The following IQCH variants were observed in gnomAD, a reference collection of about 807,000 sequenced individuals.
IQCH encodes IQ domain-containing protein H.
In IQCH, 98 loss-of-function variants were observed where a neutral mutation model predicts 117.0. That is an observed-to-expected ratio of 0.84 (90% CI 0.71 to 0.99). The LOEUF is 0.99. Ranked by LOEUF, IQCH falls within the 50% of genes least tolerant of loss-of-function variation. The pLI is 0.00. For missense variants in IQCH, 1,102 were observed against 1,243.8 expected (o/e 0.89, Z 1.72); for synonymous variants, 412 against 448.2 (o/e 0.92, Z 1.02).
At chr15:67,482,957 A>G (rs1278908251) in intron 18 of IQCH, among the ~76,000 whole-genome samples, 1 of 152,310 alleles carries the variant, frequency 6.6e-6, no homozygotes, top group Admixed American at 6.5e-5. Context: ...TCTCACATAT[A>G]AAATAAAATA....
chr15:67,304,603 G>T, intron 4 of IQCH: 1 of 450,264 alleles, frequency 2.2e-6, no homozygotes, highest in Non-Finnish European at 3.9e-6. Flanking sequence ...CTCTCATTCT[G>T]TTTATAATTA....
chr15:67,486,003 C>T (rs889740975), intron 18 of IQCH, among the ~76,000 whole-genome samples: 1 of 147,566 alleles, frequency 6.8e-6, no homozygotes, highest in Non-Finnish European at 1.5e-5. Context: ...ATTACTTTAC[C>T]TTCAAATGAG....
In IQCH at chr15:67,430,768, C is replaced by G. The variant is rs1048886277; in HGVS notation, c.2505+9191C>G. ...CATCTATTATGTATAAGCCATAATG[C>G]TAGGTGCTAGAGAAGCTACAAAGAT... is the stretch of plus-strand genomic sequence containing the variant. On this transcript the variant is annotated intron_variant, in intron 16 of 20. Transcript: ENST00000335894. The surrounding 1 kb of genome is among the most constrained non-coding windows in gnomAD (Gnocchi z 5.1). Among the ~76,000 whole-genome samples the G allele has an allele frequency of 2.0e-5, 3 of 152,230 alleles. No individual in the cohort carries two copies. Among genetic ancestry groups the G allele is most frequent in the African/African-American group, 7.2e-5 (3 of 41,540 alleles).
At chr15:67,438,230 T>C (rs1218718220) in intron 16 of IQCH, among the ~76,000 whole-genome samples, 2 of 152,276 alleles carry the variant, frequency 1.3e-5, no homozygotes, top group Middle Eastern at 3.4e-3. Flanking sequence ...CTAGAAGGGA[T>C]TGGGGACCTA....
rs1459280852 is a variant in IQCH, at chr15:67,494,759, A to C, written c.2970+393A>C. 1.3e-5 allele frequency among the ~76,000 whole-genome samples: 2 copies of C among 152,206 alleles called. No individual in the cohort carries two copies. The highest frequency in any genetic ancestry group is 3.8e-4 in the East Asian group (2 of 5,202). ...TGACTAGTGATTCCTGGGAAGCCCT[A>C]GTTTCTAGAGCCAGAGAAGTTCTAA... On this transcript the variant is annotated intron_variant, in intron 20 of 20. Transcript: ENST00000335894. This position sits in a 1 kb window ranked among gnomAD's most constrained non-coding sequence, Gnocchi z 5.5.
intron 15 of IQCH, among the ~76,000 whole-genome samples, chr15:67,418,344 A>G (rs2081628141): frequency 6.6e-6 from 1 of 152,120 alleles, no homozygotes; most frequent in Non-Finnish European, 1.5e-5. Context: ...GCAGCCATCT[A>G]ACAAGATTGC....
chr15:67,392,375 A>C (rs1395378283), intron 12 of IQCH, among the ~76,000 whole-genome samples: 1 of 152,214 alleles, frequency 6.6e-6, no homozygotes, highest in African/African-American at 2.4e-5. Context: ...AGGAAGAAAG[A>C]CAGTGACTAA....
chr15:67,350,219 T>C (rs1969594994), intron 6 of IQCH, among the ~76,000 whole-genome samples: 1 of 152,062 alleles, frequency 6.6e-6, no homozygotes, highest in African/African-American at 2.4e-5. Context: ...ACATGCACAA[T>C]ACAGATGAAT....
intron 10 of IQCH, among the ~76,000 whole-genome samples, chr15:67,380,081 A>G (rs990798021): frequency 3.9e-5 from 6 of 152,096 alleles, no homozygotes; most frequent in Admixed American, 2.0e-4. Context: ...CGAACTCCCA[A>G]CCTCAGTTAA....
intron 16 of IQCH, among the ~76,000 whole-genome samples, chr15:67,423,412 C>CA (rs1474828767): frequency 1.3e-5 from 2 of 151,528 alleles, no homozygotes; most frequent in African/African-American, 2.4e-5. Flanking sequence ...CAAAAAAATA[C>CA]AAAAAAATTA....
chr15:67,460,777 CCA>C (rs764927110), intron 16 of IQCH, among the ~76,000 whole-genome samples: 2 of 152,204 alleles, frequency 1.3e-5, no homozygotes, highest in Non-Finnish European at 2.9e-5. Flanking sequence ...ACTTTTCACA[CCA>C]CAGTCGCTCC....
intron 16 of IQCH, among the ~76,000 whole-genome samples, chr15:67,448,650 G>C (rs2082446540): frequency 6.6e-6 from 1 of 152,032 alleles, no homozygotes; most frequent in Admixed American, 6.6e-5. Context: ...TTGGTTCCAA[G>C]TCTTTGCTAT....
At chr15:67,336,949 G>C in intron 4 of IQCH, 26 bp from the exon 5 acceptor site, 1 of 1,611,042 alleles carries the variant, frequency 6.2e-7, no homozygotes, top group South Asian at 1.1e-5. Flanking sequence ...AAAAATGTTT[G>C]CTGAAACAAA....
intron 4 of IQCH, among the ~76,000 whole-genome samples, chr15:67,330,460 A>G (rs1382426450): frequency 2.0e-5 from 3 of 152,312 alleles, no homozygotes; most frequent in Non-Finnish European, 2.9e-5. Context: ...CCTTTATTAT[A>G]GATGCCTCCC....
chr15:67,358,875 G>A (rs1223396386), intron 7 of IQCH, among the ~76,000 whole-genome samples: 3 of 152,216 alleles, frequency 2.0e-5, no homozygotes, highest in Non-Finnish European at 2.9e-5. Flanking sequence ...GCACTGGTGG[G>A]CTGTGTCCCC....
chr15:67,407,608 A>G lies in IQCH; in HGVS notation c.2097+7303A>G, dbSNP rs1971958142. The stretch of plus-strand genomic sequence containing the variant: ...GGTTTGTGTGTCCTATTGATTTAAT[A>G]TGCTTCTAATCAGTACATAAAGCTA... On this transcript the variant is annotated intron_variant, in intron 14 of 20. Transcript: ENST00000335894. The surrounding 1 kb of genome is among the most constrained non-coding windows in gnomAD (Gnocchi z 5.3). The G allele has an allele frequency of 6.6e-6, 1 of 152,280 alleles. No homozygotes were observed. The highest frequency in any genetic ancestry group is 2.1e-4 in the South Asian group (1 of 4,820). The allele number at this position is 152,280 out of a possible 1,614,324, so 9.4% of individuals were successfully genotyped here.
At chr15:67,480,772 C>T (rs1420235214) in intron 18 of IQCH, among the ~76,000 whole-genome samples, 1 of 151,962 alleles carries the variant, frequency 6.6e-6, no homozygotes, top group Non-Finnish European at 1.5e-5. Context: ...AAAACTAATA[C>T]CTGCAATTAC....
chr15:67,406,333 A>C lies in IQCH; in HGVS notation c.2097+6028A>C, dbSNP rs542874518. ...GAGTTGGCTTGAGGCCAGGAGTTCA[A>C]GACCAGCCTGGGCAATATAGTGAGA... On this transcript the variant is annotated intron_variant, in intron 14 of 20. Transcript: ENST00000335894. This position sits in a 1 kb window ranked among gnomAD's most constrained non-coding sequence, Gnocchi z 4.5. 6.6e-6 allele frequency: 1 copy of C among 152,384 alleles called. No homozygotes were observed. The highest frequency in any genetic ancestry group is 6.5e-5 in the Admixed American group (1 of 15,292). 9.4% of individuals were successfully genotyped at this position (152,384 alleles called of 1,614,324 possible). A position where few individuals can be genotyped will look rare whatever the true frequency, so the allele number is the denominator to read the frequency against.
At chr15:67,332,204 T>C (rs1444339208) in intron 4 of IQCH, among the ~76,000 whole-genome samples, 1 of 152,072 alleles carries the variant, frequency 6.6e-6, no homozygotes, top group Non-Finnish European at 1.5e-5. Context: ...AAACATCAAA[T>C]CCCAGGAAAA....
Sources: gnomAD v4.1 joint callset for allele counts (sites outside exome capture counted in the v4.1 genomes callset) on GRCh38, gnomAD v4.1.1 for gene constraint, Gnocchi (gnomAD v3.1) non-coding constraint, MANE v1.5 for transcripts, NCBI Gene and HGNC (gene_info 2026-07-23, HGNC 2026-07-21) for gene names.